The following MGAT4C variants were observed in gnomAD, a reference collection of about 807,000 sequenced individuals.
The protein encoded by MGAT4C is alpha-1,3-mannosyl-glycoprotein 4-beta-N-acetylglucosaminyltransferase C.
In MGAT4C, 19 loss-of-function variants were observed where a neutral mutation model predicts 40.1. That is an observed-to-expected ratio of 0.47 (90% CI 0.33 to 0.70). The LOEUF (loss-of-function observed/expected upper bound fraction) is 0.70. MGAT4C is among the 30% of genes least tolerant of loss of function. MGAT4C has a pLI of 0.02. For missense variants in MGAT4C, 491 were observed against 563.2 expected (o/e 0.87, Z 1.30); for synonymous variants, 181 against 187.1 (o/e 0.97, Z 0.27).
At chr12:86,496,823 C>T (rs1355769493) in intron 2 of MGAT4C, among the ~76,000 whole-genome samples, 3 of 151,898 alleles carry the variant, frequency 2.0e-5, no homozygotes, top group African/African-American at 7.2e-5. Context: ...ATGTATGAGT[C>T]ATGTAATTGC....
chr12:86,371,543 T>A (rs1386905178), intron 3 of MGAT4C, among the ~76,000 whole-genome samples: 1 of 152,034 alleles, frequency 6.6e-6, no homozygotes, highest in Non-Finnish European at 1.5e-5. Flanking sequence ...ACTGGCCTCA[T>A]GTGTTTTCAT....
intron 3 of MGAT4C, among the ~76,000 whole-genome samples, chr12:86,433,673 T>C (rs886464500): frequency 1.4e-4 from 21 of 151,962 alleles, no homozygotes; most frequent in African/African-American, 3.6e-4. Flanking sequence ...ATGGGTTGAA[T>C]TGAATGCATG....
chr12:86,251,743 G>A (rs2452807), intron 1 of MGAT4C, among the ~76,000 whole-genome samples: 2 of 151,742 alleles, frequency 1.3e-5, no homozygotes, highest in Non-Finnish European at 2.9e-5. Flanking sequence ...AATGTTAGGA[G>A]ATACCCTTGA....
chr12:86,766,321 T>G (rs535860736), intron 1 of MGAT4C, among the ~76,000 whole-genome samples: 3 of 152,122 alleles, frequency 2.0e-5, no homozygotes, highest in African/African-American at 7.2e-5. Context: ...GAGCTAACTA[T>G]CCTAAATATA....
intron 2 of MGAT4C, among the ~76,000 whole-genome samples, chr12:86,621,977 A>G (rs1436575680): frequency 6.6e-6 from 1 of 152,172 alleles, no homozygotes; most frequent in Non-Finnish European, 1.5e-5. Context: ...TAAACAACTA[A>G]TACTCTACAG....
chr12:86,512,594 G>C (rs895318089), intron 2 of MGAT4C, among the ~76,000 whole-genome samples: 10 of 152,064 alleles, frequency 6.6e-5, no homozygotes, highest in Non-Finnish European at 1.5e-4. Context: ...GTATTATTCA[G>C]CTATTAATAA....
At chr12:86,559,462 G>A (rs1207808923) in intron 2 of MGAT4C, among the ~76,000 whole-genome samples, 1 of 151,810 alleles carries the variant, frequency 6.6e-6, no homozygotes, top group African/African-American at 2.4e-5. Context: ...AATCTTCCCA[G>A]ATCACAATGG....
chr12:86,394,501 AT>A (rs979310437), intron 3 of MGAT4C, among the ~76,000 whole-genome samples: 74 of 144,878 alleles, frequency 5.1e-4, no homozygotes, highest in African/African-American at 1.4e-3. Flanking sequence ...TTATATATAT[AT>A]TTTTTAAATA....
At chr12:86,794,587 A>G (rs1408368076) in intron 1 of MGAT4C, among the ~76,000 whole-genome samples, 2 of 151,858 alleles carry the variant, frequency 1.3e-5, no homozygotes, top group Non-Finnish European at 3.0e-5. Flanking sequence ...AGAAATCAAG[A>G]TAGAAAAATG....
intron 1 of MGAT4C, among the ~76,000 whole-genome samples, chr12:86,095,719 T>C (rs1297643035): frequency 2.0e-5 from 3 of 151,714 alleles, no homozygotes; most frequent in African/African-American, 7.2e-5. Flanking sequence ...CCATATCATC[T>C]AATTTGAAGT....
intron 1 of MGAT4C, among the ~76,000 whole-genome samples, chr12:86,103,822 A>T (rs1281560914): frequency 6.6e-6 from 1 of 152,176 alleles, no homozygotes; most frequent in Admixed American, 6.5e-5. Flanking sequence ...ATCCTCTAAT[A>T]TAAGATTCTT....
At chr12:86,234,097 G>C (rs1220490788) in intron 1 of MGAT4C, among the ~76,000 whole-genome samples, 1 of 152,132 alleles carries the variant, frequency 6.6e-6, no homozygotes. Context: ...AAATGGGCCA[G>C]GATGAACATT....
chr12:86,435,343 C>G (rs1359958398), intron 2 of MGAT4C: 1 of 151,850 alleles, frequency 6.6e-6, no homozygotes, highest in Admixed American at 6.6e-5. Flanking sequence ...CATGTTGAAT[C>G]TAGTGACTGT....
intron 4 of MGAT4C, among the ~76,000 whole-genome samples, chr12:86,271,126 C>T (rs925991626): frequency 6.6e-6 from 1 of 151,924 alleles, no homozygotes; most frequent in Admixed American, 6.6e-5. Context: ...TTATGAAGAC[C>T]TCAAAAGCAC....
chr12:86,235,339 C>A (rs1175296018), intron 1 of MGAT4C, among the ~76,000 whole-genome samples: 2 of 152,006 alleles, frequency 1.3e-5, no homozygotes, highest in Non-Finnish European at 2.9e-5. Flanking sequence ...TAGCTTCAGT[C>A]CATCAATAAT....
At chr12:86,388,668 GTTTT>G (rs1172330339) in intron 3 of MGAT4C, among the ~76,000 whole-genome samples, 2 of 133,144 alleles carry the variant, frequency 1.5e-5, no homozygotes, top group East Asian at 2.1e-4. Context: ...ACACTTCAGC[GTTTT>G]TTGTTTTTTT....
chr12:86,388,172 C>T (rs532397110), intron 3 of MGAT4C, among the ~76,000 whole-genome samples: 1 of 152,186 alleles, frequency 6.6e-6, no homozygotes, highest in South Asian at 2.1e-4. Context: ...ATAGAGTTCT[C>T]ATTCTATCAG....
At chr12:86,794,026 A>G (rs1284142910) in intron 1 of MGAT4C, among the ~76,000 whole-genome samples, 1 of 151,984 alleles carries the variant, frequency 6.6e-6, no homozygotes, top group Non-Finnish European at 1.5e-5. Context: ...ACAGCCCTCT[A>G]AATTCAAACA....
chr12:85,996,170 C>T (rs1176256132), intron 2 of MGAT4C, among the ~76,000 whole-genome samples: 1 of 151,876 alleles, frequency 6.6e-6, no homozygotes, highest in Non-Finnish European at 1.5e-5. Context: ...AAAATCAAGA[C>T]ATAACTGAGA....
Sources: allele counts gnomAD v4.1 joint callset (sites outside exome capture counted in the v4.1 genomes callset), GRCh38; gene constraint gnomAD v4.1.1; transcripts MANE v1.5; gene names NCBI Gene and HGNC (gene_info 2026-07-23, HGNC 2026-07-21).